Variants in C1QTNF3 observed in about 807,000 individuals in gnomAD.
The protein encoded by C1QTNF3 is complement C1q tumor necrosis factor-related protein 3.
In C1QTNF3, 26 loss-of-function variants were observed where a neutral mutation model predicts 32.6. The ratio of observed to expected loss-of-function variants is 0.80; its 90% CI spans 0.58 to 1.11. C1QTNF3 has a LOEUF of 1.11. C1QTNF3 is among the 50% of genes least tolerant of loss of function. The pLI is 0.00. For missense variants in C1QTNF3, 362 were observed against 398.2 expected (o/e 0.91, Z 0.77); for synonymous variants, 155 against 146.0 (o/e 1.06, Z -0.44).
the C1QTNF3 span, among the ~76,000 whole-genome samples, chr5:34,072,517 AG>A: frequency 6.6e-6 from 1 of 152,274 alleles, no homozygotes. Flanking sequence ...AAAGTGGAAC[AG>A]GTAAGGCAGA....
chr5:34,222,992 TAA>T, the C1QTNF3 span, among the ~76,000 whole-genome samples: 15 of 151,916 alleles, frequency 9.9e-5, no homozygotes, highest in Non-Finnish European at 1.6e-4. Context: ...GTGCTATAAT[TAA>T]AAATGAACAT....
the C1QTNF3 span, among the ~76,000 whole-genome samples, chr5:34,060,600 G>A: frequency 6.6e-6 from 1 of 152,180 alleles, no homozygotes; most frequent in Non-Finnish European, 1.5e-5. Flanking sequence ...TGGCTGGGGA[G>A]GCCTCATAAT....
chr5:34,134,677 C>T, the C1QTNF3 span, among the ~76,000 whole-genome samples: 4 of 152,082 alleles, frequency 2.6e-5, no homozygotes, highest in African/African-American at 4.8e-5. Context: ...TTCCTCTCTT[C>T]GTAGCAATTG....
chr5:34,026,890 C>A (rs1432001359), intron 4 of C1QTNF3, among the ~76,000 whole-genome samples: 1 of 152,124 alleles, frequency 6.6e-6, no homozygotes, highest in Non-Finnish European at 1.5e-5. Context: ...AAAGCAAATA[C>A]CTCTATAAAA....
the C1QTNF3 span, among the ~76,000 whole-genome samples, chr5:34,141,744 G>C: frequency 1.3e-5 from 2 of 152,212 alleles, no homozygotes; most frequent in East Asian, 1.9e-4. Flanking sequence ...TAACAAAGAG[G>C]GTGGTGTCAG....
At chr5:34,112,157 C>T in the C1QTNF3 span, among the ~76,000 whole-genome samples, 1 of 152,270 alleles carries the variant, frequency 6.6e-6, no homozygotes, top group Non-Finnish European at 1.5e-5. Flanking sequence ...ATTTTTACAA[C>T]ATTGCAAGAT....
the C1QTNF3 span, among the ~76,000 whole-genome samples, chr5:34,220,324 G>C: frequency 1.3e-5 from 2 of 152,050 alleles, no homozygotes; most frequent in African/African-American, 4.8e-5. Flanking sequence ...GTTTTAGACA[G>C]TGGAGATGCC....
chr5:34,144,178 C>T, the C1QTNF3 span, among the ~76,000 whole-genome samples: 2 of 152,192 alleles, frequency 1.3e-5, no homozygotes, highest in East Asian at 1.9e-4. Context: ...AAAGGCATTA[C>T]GTAATGATAA....
the C1QTNF3 span, among the ~76,000 whole-genome samples, chr5:34,228,723 T>C: frequency 6.6e-6 from 1 of 152,074 alleles, no homozygotes; most frequent in Non-Finnish European, 1.5e-5. Flanking sequence ...CCATTGTTTG[T>C]CATATTTAAT....
chr5:34,030,094 A>G (rs997403813), intron 3 of C1QTNF3, among the ~76,000 whole-genome samples: 1 of 152,218 alleles, frequency 6.6e-6, no homozygotes, highest in African/African-American at 2.4e-5. Flanking sequence ...ATGGTTTACT[A>G]AAATTAGCAA....
At chr5:34,103,134 T>C in the C1QTNF3 span, among the ~76,000 whole-genome samples, 2 of 152,190 alleles carry the variant, frequency 1.3e-5, no homozygotes, top group African/African-American at 2.4e-5. Context: ...TTTAGTGGCA[T>C]GAAACTCTAA....
the C1QTNF3 span, among the ~76,000 whole-genome samples, chr5:34,109,904 C>T: frequency 2.5e-3 from 375 of 150,596 alleles, no homozygotes; most frequent in African/African-American, 9.1e-3. Context: ...CACTTCCTCA[C>T]GGTATAGTGG....
At chr5:34,188,031 C>T in the C1QTNF3 span, among the ~76,000 whole-genome samples, 2 of 152,246 alleles carry the variant, frequency 1.3e-5, no homozygotes, top group African/African-American at 4.8e-5. Flanking sequence ...TGGTGCCCTG[C>T]ATCCCAGCTG....
chr5:34,129,151 G>A, the C1QTNF3 span, among the ~76,000 whole-genome samples: 7 of 152,254 alleles, frequency 4.6e-5, no homozygotes, highest in Non-Finnish European at 7.4e-5. Context: ...CATATAAGAT[G>A]GCTTGCTTCC....
intron 2 of C1QTNF3, 73 bp from the exon 3 acceptor site, chr5:34,033,531 T>C: frequency 6.3e-7 from 1 of 1,583,700 alleles, no homozygotes; most frequent in Non-Finnish European, 8.7e-7. Flanking sequence ...AGACATACTA[T>C]CCAAACTCAA....
the C1QTNF3 span, among the ~76,000 whole-genome samples, chr5:34,244,334 A>G: frequency 1.3e-5 from 2 of 152,182 alleles, no homozygotes. Context: ...GCGCAGAGCC[A>G]AACAGTGAGC....
the C1QTNF3 span, among the ~76,000 whole-genome samples, chr5:34,156,926 C>T: frequency 6.6e-6 from 1 of 152,158 alleles, no homozygotes. Flanking sequence ...TTACTTGTTC[C>T]TAGTCACAAT....
chr5:34,061,312 T>C, the C1QTNF3 span, among the ~76,000 whole-genome samples: 1 of 152,158 alleles, frequency 6.6e-6, no homozygotes, highest in Non-Finnish European at 1.5e-5. Flanking sequence ...GCACTGAGTA[T>C]CTGTGGCTTT....
At chr5:34,176,055 C>T in the C1QTNF3 span, 1 of 614,732 alleles carries the variant, frequency 1.6e-6, no homozygotes, top group Non-Finnish European at 2.9e-6. Flanking sequence ...TATCTGTCCT[C>T]ACTGGGGGCT....
Sources: gnomAD v4.1 joint callset for allele counts (sites outside exome capture counted in the v4.1 genomes callset) on GRCh38, gnomAD v4.1.1 for gene constraint, MANE v1.5 for transcripts, NCBI Gene and HGNC (gene_info 2026-07-23, HGNC 2026-07-21) for gene names.